ACAD9: variants seen among roughly 807,000 people sequenced by gnomAD.
ACAD9 encodes the protein complex I assembly factor ACAD9, mitochondrial.
ACAD9 carries 53 observed loss-of-function variants against 70.2 expected under a neutral mutation model. That is an observed-to-expected ratio of 0.75 (90% CI 0.61 to 0.95). The LOEUF is 0.95. ACAD9 is among the 40% of genes least tolerant of loss of function. ACAD9 has a pLI of 0.00. For missense variants in ACAD9, 777 were observed against 802.8 expected (o/e 0.97, Z 0.39); for synonymous variants, 313 against 312.1 (o/e 1.00, Z -0.03).
intron 9 of ACAD9, among the ~76,000 whole-genome samples, chr3:128,903,440 C>A (rs1935800012): frequency 6.6e-6 from 1 of 152,192 alleles, no homozygotes; most frequent in Non-Finnish European, 1.5e-5. Flanking sequence ...TCTGCTGGGG[C>A]TCTGAGTGGG....
At chr3:128,890,122 G>A (rs1935374463) in intron 2 of ACAD9, among the ~76,000 whole-genome samples, 1 of 151,900 alleles carries the variant, frequency 6.6e-6, no homozygotes, top group Non-Finnish European at 1.5e-5. Context: ...CACTGCGCCT[G>A]GCCTGTATTT....
rs995873366 is a variant in ACAD9 at position 128,902,917 on chromosome 3, G to C, written c.958+289G>C. Reference sequence around the variant, plus strand: ...GGATTGGGGAATGGGCTGTCTGTCTGGAGTGAGAGGTTGCCACTGACCAGT... The same window carrying C: ...GGATTGGGGAATGGGCTGTCTGTCTCGAGTGAGAGGTTGCCACTGACCAGT... On this transcript the variant is annotated intron_variant, in intron 9 of 17. Transcript: ENST00000308982. This position sits in a 1 kb window ranked among gnomAD's most constrained non-coding sequence, Gnocchi z 4.0. Among the ~76,000 whole-genome samples, 3 of 152,190 alleles carry C rather than the reference G, an allele frequency of 2.0e-5. No individual in the cohort carries two copies. The highest frequency in any genetic ancestry group is 4.4e-5 in the Non-Finnish European group (3 of 68,032).
At chr3:128,904,595 T>A in intron 11 of ACAD9, 90 bp downstream of exon 11, 1 of 1,537,760 alleles carries the variant, frequency 6.5e-7, no homozygotes, top group Non-Finnish European at 8.7e-7. Context: ...CTGTTGCCTG[T>A]CATCTTCCTC....
chr3:128,893,728 C>G (rs1025802552), intron 3 of ACAD9, 72 bp downstream of exon 3: 9 of 1,316,284 alleles, frequency 6.8e-6, no homozygotes, highest in African/African-American at 1.4e-5. Context: ...CATAACAGGT[C>G]TAGTTGCTGG....
In ACAD9 at chr3:128,913,072, C is replaced by G. The variant is rs976574348; in HGVS notation, c.*465C>G. The G allele has an allele frequency of 4.4e-6, 2 of 453,972 alleles. No homozygotes were observed. Among genetic ancestry groups the G allele is most frequent in the Non-Finnish European group, 8.8e-6 (2 of 226,328 alleles). 28.1% of individuals were successfully genotyped at this position (453,972 alleles called of 1,614,324 possible). On this transcript the variant is annotated 3_prime_UTR_variant, in exon 18 of 18. Coordinates refer to ENST00000308982, the MANE Select transcript of ACAD9 (RefSeq NM_014049.5). ...GGCACTTAAAACATGTACCAGGAAC[C>G]ATTTAACAAAGAATATAAAATGTCA...
chr3:128,902,566 T>C lies in ACAD9; in HGVS notation c.896T>C (p.Ile299Thr). Residue 299 changes from isoleucine (I) to threonine (T), a missense_variant, in exon 9 of 18, where the codon ATC becomes ACC. Transcript: ENST00000308982. The surrounding 1 kb of genome is among the most constrained non-coding windows in gnomAD (Gnocchi z 4.0). The part of the protein sequence containing the change: ...VGDGFKVAMN[I>T]LNSGRFSMGS... The stretch of plus-strand genomic sequence containing the variant: ...TTCTCCCTGCAGGTGGCCATGAACA[T>C]CCTCAACAGCGGCCGGTTCAGCATG... 1.2e-6 allele frequency: 2 copies of C among 1,614,138 alleles called. No homozygotes were observed. Among genetic ancestry groups the C allele is most frequent in the Middle Eastern group, 1.6e-4 (1 of 6,062 alleles).
At chr3:128,906,764 A>G (rs896131961) in intron 12 of ACAD9, among the ~76,000 whole-genome samples, 3 of 152,192 alleles carry the variant, frequency 2.0e-5, no homozygotes, top group Non-Finnish European at 4.4e-5. Flanking sequence ...TTCTGGGAGC[A>G]GCAGTCAGCC....
At chr3:128,905,841 G>A (rs1277227995) in intron 11 of ACAD9, among the ~76,000 whole-genome samples, 2 of 152,144 alleles carry the variant, frequency 1.3e-5, no homozygotes, top group East Asian at 1.9e-4. Flanking sequence ...AGGTTTTCTC[G>A]GGAAGGGGAG....
rs753694042 is a variant in ACAD9, at chr3:128,906,203, C to T, written c.1232C>T (p.Pro411Leu). Residue 411 changes from proline to leucine, a missense_variant, in exon 12 of 18, where the codon CCG (proline) becomes CTG (leucine). Transcript: ENST00000308982. ...LGGLGYTRDY[P>L]YERILRDTRI... The stretch of plus-strand genomic sequence containing the variant: ...GGCTTGGGCTACACAAGGGACTATC[C>T]GTACGAGCGCATACTGCGTGACACC... 30 of 1,614,096 alleles carry T rather than the reference C, an allele frequency of 1.9e-5. No homozygotes were observed. The highest frequency in any genetic ancestry group is 6.6e-5 in the South Asian group (6 of 91,090).
intron 3 of ACAD9, 62 bp from the exon 4 acceptor site, chr3:128,895,248 T>A: frequency 7.6e-7 from 1 of 1,310,342 alleles, no homozygotes; most frequent in Non-Finnish European, 1.1e-6. Flanking sequence ...AAAAAGCCAA[T>A]GAAGCCTTAA....
intron 3 of ACAD9, among the ~76,000 whole-genome samples, chr3:128,895,084 C>T (rs1199281492): frequency 6.6e-6 from 1 of 151,728 alleles, no homozygotes; most frequent in African/African-American, 2.4e-5. Flanking sequence ...GCCATGTTGG[C>T]CAGGCTGGTC....
intron 2 of ACAD9, 131 bp from the exon 3 acceptor site, chr3:128,893,424 A>G: frequency 1.4e-6 from 1 of 736,420 alleles, no homozygotes; most frequent in Non-Finnish European, 2.3e-6. Context: ...GACCATGACT[A>G]CAGAATTTCT....
At chr3:128,893,818 G>A (rs563461721) in intron 3 of ACAD9, among the ~76,000 whole-genome samples, 162 bp downstream of exon 3, 1 of 152,318 alleles carries the variant, frequency 6.6e-6, no homozygotes, top group South Asian at 2.1e-4. Context: ...GTGTTCTCGG[G>A]TCCTGTGCTT....
chr3:128,883,662 C>CT (rs1167749176), intron 1 of ACAD9, among the ~76,000 whole-genome samples: 44 of 148,026 alleles, frequency 3.0e-4, no homozygotes, highest in East Asian at 9.8e-4. Flanking sequence ...GGCCTCCAAC[C>CT]TTTTTTTTTT....
intron 2 of ACAD9, among the ~76,000 whole-genome samples, chr3:128,886,137 C>T (rs1410922662): frequency 1.3e-5 from 2 of 151,398 alleles, no homozygotes; most frequent in African/African-American, 4.8e-5. Context: ...GAGTCTCACT[C>T]TGTCACCCAG....
intron 16 of ACAD9, 101 bp from the exon 17 acceptor site, chr3:128,910,640 C>A: frequency 7.7e-7 from 1 of 1,299,828 alleles, no homozygotes. Context: ...CCTTGTGACC[C>A]CTGCCATGCT....
At position 128,902,997 on chromosome 3, in the gene ACAD9, G is replaced by A. The variant is rs983702464; in HGVS notation, c.958+369G>A. ...CAAGAACCAGGCTTCCAGGATACACGGCCTCTGGTTCCCAAGGTCCGTGCC... is the reference window on the plus strand; with the variant it reads ...CAAGAACCAGGCTTCCAGGATACACAGCCTCTGGTTCCCAAGGTCCGTGCC... On this transcript the variant is annotated intron_variant, in intron 9 of 17. Transcript: ENST00000308982. This position sits in a 1 kb window ranked among gnomAD's most constrained non-coding sequence, Gnocchi z 4.0. Among the ~76,000 whole-genome samples the A allele has an allele frequency of 6.6e-6, 1 of 152,110 alleles. No homozygotes were observed. Among genetic ancestry groups the A allele is most frequent in the African/African-American group, 2.4e-5 (1 of 41,414 alleles).
chr3:128,886,259 C>A (rs750083857), intron 2 of ACAD9, among the ~76,000 whole-genome samples: 1 of 150,984 alleles, frequency 6.6e-6, no homozygotes, highest in Non-Finnish European at 1.5e-5. Context: ...TGCACCACCA[C>A]GCCCGGGTAA....
chr3:128,908,747 G>A, intron 13 of ACAD9: 1 of 628,444 alleles, frequency 1.6e-6, no homozygotes, highest in Non-Finnish European at 2.8e-6. Context: ...CTGGGAAGCT[G>A]GCTGTGACTC....
Sources: allele counts gnomAD v4.1 joint callset (sites outside exome capture counted in the v4.1 genomes callset), GRCh38; gene constraint gnomAD v4.1.1; non-coding constraint Gnocchi (gnomAD v3.1); transcripts MANE v1.5; gene names NCBI Gene and HGNC (gene_info 2026-07-23, HGNC 2026-07-21).